TLE1: variants seen among roughly 807,000 people sequenced by gnomAD.
TLE1 encodes the protein transducin-like enhancer protein 1.
A neutral mutation model predicts 89.8 loss-of-function variants in TLE1; 21 were observed. The observed-to-expected ratio is 0.23, with a 90% CI of 0.17 to 0.34. TLE1 has a LOEUF of 0.34. Ranked by LOEUF, TLE1 falls within the 10% of genes least tolerant of loss-of-function variation. The pLI is 1.00. For synonymous variants in TLE1, 447 were observed against 407.6 expected (o/e 1.10, Z -1.16); for missense variants, 795 against 1,031.2 (o/e 0.77, Z 3.14).
At chr9:81,647,068 A>G (rs10118624) in intron 6 of TLE1, among the ~76,000 whole-genome samples, 39,756 of 151,866 alleles carry the variant, frequency 0.26, 5,257 homozygotes, top group Non-Finnish European at 0.29. Flanking sequence ...TTATATGTAA[A>G]CAAACTCAAA....
chr9:81,626,268 G>A (rs942173804), intron 8 of TLE1, among the ~76,000 whole-genome samples: 4 of 152,010 alleles, frequency 2.6e-5, no homozygotes, highest in African/African-American at 9.7e-5. Context: ...CACTAAGGCA[G>A]TAGGAACCTA....
At chr9:81,688,164 G>A (rs957961012) in intron 1 of TLE1, 53 bp downstream of exon 1, 11 of 1,598,550 alleles carry the variant, frequency 6.9e-6, no homozygotes, top group South Asian at 5.6e-5. Context: ...CCGCCCGGGA[G>A]AAGCGCCTCC....
intron 4 of TLE1, among the ~76,000 whole-genome samples, chr9:81,677,422 G>A (rs1043200914): frequency 3.3e-5 from 5 of 151,466 alleles, no homozygotes; most frequent in African/African-American, 1.2e-4. Flanking sequence ...AAAATTAGCC[G>A]GGCATCGTGG....
chr9:81,663,734 C>T (rs533578672), intron 4 of TLE1, among the ~76,000 whole-genome samples: 97 of 151,572 alleles, frequency 6.4e-4, no homozygotes, highest in African/African-American at 2.2e-3. Context: ...GCCATTCTCA[C>T]GCCTGCCTCA....
chr9:81,678,734 G>C (rs1456657023), intron 4 of TLE1, among the ~76,000 whole-genome samples: 1 of 152,130 alleles, frequency 6.6e-6, no homozygotes. Context: ...GGAACTGCTT[G>C]AACCTACATA....
intron 6 of TLE1, among the ~76,000 whole-genome samples, chr9:81,643,258 CAG>C (rs1190378335): frequency 4.0e-5 from 6 of 150,956 alleles, no homozygotes; most frequent in African/African-American, 9.7e-5. Context: ...TTTTTTTTGA[CAG>C]AGTTTCGCTC....
chr9:81,591,145 A>C (rs1829432575), intron 15 of TLE1, 93 bp from the exon 16 acceptor site: 30 of 1,520,156 alleles, frequency 2.0e-5, no homozygotes, highest in Non-Finnish European at 2.6e-5. Flanking sequence ...TTGAGTTAAG[A>C]GTGGTGTTTC....
intron 8 of TLE1, among the ~76,000 whole-genome samples, chr9:81,625,461 T>C (rs972283020): frequency 2.0e-5 from 3 of 152,210 alleles, no homozygotes; most frequent in African/African-American, 7.2e-5. Flanking sequence ...CAGCAGGATC[T>C]TTCCCTGTGG....
intron 6 of TLE1, among the ~76,000 whole-genome samples, chr9:81,639,489 G>A (rs7847046): frequency 0.021 from 3,161 of 151,750 alleles, 111 homozygotes; most frequent in African/African-American, 0.072. Flanking sequence ...CAGTAATTAG[G>A]AAATTTGCTT....
intron 11 of TLE1, among the ~76,000 whole-genome samples, chr9:81,615,003 T>A (rs765797713): frequency 2.1e-4 from 28 of 135,536 alleles, no homozygotes; most frequent in Non-Finnish European, 1.4e-4. Flanking sequence ...AAGACCAGCA[T>A]GGCCAACATG....
rs970198868 is a variant in TLE1 at position 81,587,945 on chromosome 9, T to TGTGTGTGTGTGTGTGTGTGTGTGA, written c.1830-118_1830-117insTCACACACACACACACACACACAC. On this transcript the variant is annotated intron_variant, in intron 16 of 19. Transcript: ENST00000376499. The stretch of plus-strand genomic sequence containing the variant: ...GTGTGTGTGTGTGTGTGTGTGTGTG[T>TGTGTGTGTGTGTGTGTGTGTGTGA]GATCCCGCCAGTGTCTGCTGATGTG... 1.4e-5 allele frequency: 17 copies of TGTGTGTGTGTGTGTGTGTGTGTGA among 1,192,880 alleles called. 1 individual carries two copies. In the African/African-American group the frequency reaches 1.5e-4, roughly 11 times the overall value. The allele number at this position is 1,192,880 out of a possible 1,614,324, so 73.9% of individuals were successfully genotyped here. A position where few individuals can be genotyped will look rare whatever the true frequency, so the allele number is the denominator to read the frequency against.
chr9:81,640,690 T>C (rs1827995256), intron 6 of TLE1, among the ~76,000 whole-genome samples: 1 of 152,232 alleles, frequency 6.6e-6, no homozygotes, highest in East Asian at 1.9e-4. Context: ...ACATTTTACT[T>C]AGTGCAGCTT....
intron 4 of TLE1, among the ~76,000 whole-genome samples, chr9:81,668,338 TGCTA>T (rs1168987331): frequency 1.3e-5 from 2 of 152,194 alleles, no homozygotes; most frequent in Non-Finnish European, 2.9e-5. Context: ...AAATCTGGGA[TGCTA>T]GCTAAATTTT....
intron 12 of TLE1, 149 bp downstream of exon 12, chr9:81,613,228 C>T: frequency 8.8e-7 from 1 of 1,140,260 alleles, no homozygotes; most frequent in South Asian, 1.6e-5. Context: ...ACATCTGTTT[C>T]TTATCATGGC....
chr9:81,584,410 G>T, intron 19 of TLE1, 38 bp downstream of exon 19: 1 of 1,612,484 alleles, frequency 6.2e-7, no homozygotes, highest in South Asian at 1.1e-5. Context: ...GCGACACTGT[G>T]GTCAAACTGT....
At chr9:81,632,400 GA>G (rs532071260) in intron 8 of TLE1, among the ~76,000 whole-genome samples, 49 of 150,418 alleles carry the variant, frequency 3.3e-4, no homozygotes, top group African/African-American at 9.3e-4. Flanking sequence ...GAAGAGGGGG[GA>G]AAAAACCCTG....
chr9:81,649,947 A>G (rs1829335787), intron 6 of TLE1, among the ~76,000 whole-genome samples: 1 of 152,210 alleles, frequency 6.6e-6, no homozygotes, highest in African/African-American at 2.4e-5. Context: ...CACAAACTTG[A>G]AAAGAGCCTT....
intron 4 of TLE1, among the ~76,000 whole-genome samples, chr9:81,662,204 A>T (rs982243389): frequency 1.3e-5 from 2 of 152,128 alleles, no homozygotes; most frequent in African/African-American, 4.8e-5. Flanking sequence ...CTAATAAATC[A>T]GTTGTCTAAA....
At chr9:81,609,496 A>G (rs1278257088) in intron 14 of TLE1, among the ~76,000 whole-genome samples, 5 of 152,244 alleles carry the variant, frequency 3.3e-5, no homozygotes, top group African/African-American at 1.2e-4. Context: ...ATTCTTTGAA[A>G]TCACACTTCT....
Sources: allele counts gnomAD v4.1 joint callset (sites outside exome capture counted in the v4.1 genomes callset), GRCh38; gene constraint gnomAD v4.1.1; transcripts MANE v1.5; gene names NCBI Gene and HGNC (gene_info 2026-07-23, HGNC 2026-07-21).